The following THSD7B variants were observed in gnomAD, a reference collection of about 807,000 sequenced individuals.
THSD7B encodes thrombospondin type-1 domain-containing protein 7B.
Under a neutral mutation model 213.6 loss-of-function variants are expected in THSD7B, and 138 were observed. That is an observed-to-expected ratio of 0.65 (90% CI 0.56 to 0.74). The LOEUF is 0.74. Among genes scored for constraint, THSD7B ranks in the 30% least tolerant of loss-of-function variants. The pLI is 0.00. For synonymous variants in THSD7B, 742 were observed against 687.0 expected (o/e 1.08, Z -1.25); for missense variants, 1,931 against 1,991.5 (o/e 0.97, Z 0.58).
chr2:137,317,460 A>C (rs1164445097), intron 12 of THSD7B, among the ~76,000 whole-genome samples: 3 of 152,240 alleles, frequency 2.0e-5, no homozygotes, highest in African/African-American at 7.2e-5. Context: ...AGTGATGTCA[A>C]GCAAAACAAA....
intron 2 of THSD7B, among the ~76,000 whole-genome samples, chr2:137,023,780 C>T (rs1686491194): frequency 6.6e-6 from 1 of 152,112 alleles, no homozygotes; most frequent in African/African-American, 2.4e-5. Context: ...GAAATGCTAG[C>T]TGGCAGTTTG....
chr2:137,619,554 C>G (rs1182494247), intron 19 of THSD7B, among the ~76,000 whole-genome samples: 1 of 152,138 alleles, frequency 6.6e-6, no homozygotes, highest in African/African-American at 2.4e-5. Flanking sequence ...TTTATTTAAT[C>G]AGCCTCTAAA....
rs1386654895 is a variant in THSD7B, at chr2:137,419,377, T to TTTTTTTTTTTTTTTTTTTTTTTTTTTTTG, written c.2959+7505_2959+7506insTTTTTTTTTTTTTTTTTTTTTTTTTTTTG. Among the ~76,000 whole-genome samples, 9 of 77,236 alleles carry TTTTTTTTTTTTTTTTTTTTTTTTTTTTTG rather than the reference T, an allele frequency of 1.2e-4. 1 individual carries two copies. Among genetic ancestry groups the TTTTTTTTTTTTTTTTTTTTTTTTTTTTTG allele is most frequent in the Admixed American group, 6.3e-4 (4 of 6,342 alleles). 50.7% of individuals were successfully genotyped at this position (77,236 alleles called of 152,430 possible). ...CCACTTTTGGTGGGTCCTGAGTTCT[T>TTTTTTTTTTTTTTTTTTTTTTTTTTTTTG]GTCCCACATCAAAGAAGAATGAGGA... On this transcript the variant is annotated intron_variant, in intron 14 of 27. Coordinates refer to ENST00000409968, the MANE Select transcript of THSD7B (RefSeq NM_001316349.2).
intron 27 of THSD7B, among the ~76,000 whole-genome samples, chr2:137,673,478 C>A (rs1386315865): frequency 1.3e-5 from 2 of 152,078 alleles, no homozygotes; most frequent in Non-Finnish European, 2.9e-5. Context: ...ATGTGCCAGG[C>A]ATTTATGGGT....
At chr2:136,811,686 T>C (rs1682379416) in intron 1 of THSD7B, among the ~76,000 whole-genome samples, 1 of 152,186 alleles carries the variant, frequency 6.6e-6, no homozygotes, top group Non-Finnish European at 1.5e-5. Context: ...ATAATTTGCT[T>C]GATCTGAACA....
At chr2:137,346,038 G>A (rs1364653582) in intron 12 of THSD7B, among the ~76,000 whole-genome samples, 7 of 151,550 alleles carry the variant, frequency 4.6e-5, no homozygotes, top group African/African-American at 1.7e-4. Context: ...GCTGCTTCAG[G>A]GCCTCCTATG....
At chr2:136,805,004 A>G (rs1682257423) in intron 1 of THSD7B, among the ~76,000 whole-genome samples, 1 of 152,200 alleles carries the variant, frequency 6.6e-6, no homozygotes, top group Non-Finnish European at 1.5e-5. Context: ...TTAAGTTAGA[A>G]TTGAATGATG....
At chr2:137,146,320 A>G (rs1341838802) in intron 5 of THSD7B, among the ~76,000 whole-genome samples, 3 of 152,154 alleles carry the variant, frequency 2.0e-5, no homozygotes, top group East Asian at 3.8e-4. Flanking sequence ...GATAGATTTC[A>G]GTCTATAGCC....
chr2:136,864,183 T>C (rs931864551), intron 1 of THSD7B, among the ~76,000 whole-genome samples: 1 of 152,222 alleles, frequency 6.6e-6, no homozygotes, highest in African/African-American at 2.4e-5. Context: ...GAAGTGGCCT[T>C]GCTGAGTTGG....
chr2:136,788,260 CAATT>C (rs1295999308), intron 1 of THSD7B, among the ~76,000 whole-genome samples: 1 of 152,148 alleles, frequency 6.6e-6, no homozygotes, highest in East Asian at 1.9e-4. Flanking sequence ...CTACAAATCA[CAATT>C]GATTGAAGGA....
intron 4 of THSD7B, among the ~76,000 whole-genome samples, chr2:137,112,292 G>T (rs1688362195): frequency 6.6e-6 from 1 of 152,040 alleles, no homozygotes; most frequent in South Asian, 2.1e-4. Flanking sequence ...TTAAAAAAAG[G>T]AATATAGAAG....
At chr2:136,953,430 A>G (rs57783398) in intron 2 of THSD7B, among the ~76,000 whole-genome samples, 2 of 152,328 alleles carry the variant, frequency 1.3e-5, no homozygotes, top group East Asian at 3.9e-4. Context: ...TTACTACCCA[A>G]GTAATATGGG....
chr2:137,274,957 G>A (rs987981809), intron 11 of THSD7B, among the ~76,000 whole-genome samples: 1 of 151,878 alleles, frequency 6.6e-6, no homozygotes, highest in Non-Finnish European at 1.5e-5. Flanking sequence ...ATGATGTTTT[G>A]CTTTATGTTT....
At chr2:137,588,535 G>A (rs1448699833) in intron 17 of THSD7B, among the ~76,000 whole-genome samples, 1 of 145,814 alleles carries the variant, frequency 6.9e-6, no homozygotes, top group Non-Finnish European at 1.5e-5. Context: ...TCTTTTGAAT[G>A]CTTCTGATTC....
At chr2:136,767,257 G>C (rs1411107798) in intron 1 of THSD7B, among the ~76,000 whole-genome samples, 3 of 152,152 alleles carry the variant, frequency 2.0e-5, no homozygotes, top group Non-Finnish European at 2.9e-5. Context: ...GTGAAAGCTC[G>C]TGTCTTTGTG....
At chr2:137,163,455 A>G (rs1346052141) in intron 6 of THSD7B, among the ~76,000 whole-genome samples, 2 of 152,202 alleles carry the variant, frequency 1.3e-5, no homozygotes, top group Non-Finnish European at 2.9e-5. Context: ...GGAGAGTGCC[A>G]TGTGAGGACA....
intron 7 of THSD7B, among the ~76,000 whole-genome samples, chr2:137,196,194 T>C (rs4407300): frequency 6.6e-6 from 1 of 152,168 alleles, no homozygotes; most frequent in African/African-American, 2.4e-5. Context: ...CCATTGTTAA[T>C]GAGGCAGATG....
At chr2:137,049,675 G>A (rs1383217704) in intron 2 of THSD7B, among the ~76,000 whole-genome samples, 1 of 152,156 alleles carries the variant, frequency 6.6e-6, no homozygotes, top group African/African-American at 2.4e-5. Flanking sequence ...TTTGACTGAT[G>A]TTCTCAAGCA....
intron 2 of THSD7B, among the ~76,000 whole-genome samples, chr2:137,049,706 C>T (rs1299937906): frequency 6.6e-6 from 1 of 152,194 alleles, no homozygotes; most frequent in Non-Finnish European, 1.5e-5. Context: ...GGAAGGATCT[C>T]ATTTCACATA....
Sources: gnomAD v4.1 joint callset for allele counts (sites outside exome capture counted in the v4.1 genomes callset) on GRCh38, gnomAD v4.1.1 for gene constraint, MANE v1.5 for transcripts, NCBI Gene and HGNC (gene_info 2026-07-23, HGNC 2026-07-21) for gene names.